The following CTSB variants were observed in gnomAD, a reference collection of about 807,000 sequenced individuals.
CTSB encodes the protein cathepsin B.
A neutral mutation model predicts 44.3 loss-of-function variants in CTSB; 57 were observed. That is an observed-to-expected ratio of 1.29 (90% CI 1.04 to 1.60). The LOEUF (loss-of-function observed/expected upper bound fraction) is 1.60. Among genes scored for constraint, CTSB ranks in the 40% most tolerant of loss-of-function variants. CTSB has a pLI of 0.00. For synonymous variants in CTSB, 320 were observed against 168.0 expected (o/e 1.91, Z -7.00); for missense variants, 768 against 443.0 (o/e 1.73, Z -6.59).
chr8:11,850,595 G>A (rs906884233), intron 4 of CTSB: 5 of 301,266 alleles, frequency 1.7e-5, no homozygotes, highest in South Asian at 1.6e-4. Context: ...TGGTATTTGC[G>A]GACGGGCCAG....
At chr8:11,863,187 G>A (rs1315692880) in intron 1 of CTSB, among the ~76,000 whole-genome samples, 1 of 152,182 alleles carries the variant, frequency 6.6e-6, no homozygotes, top group Non-Finnish European at 1.5e-5. Flanking sequence ...AAATAGGCTA[G>A]CGGTGGCTCA....
At chr8:11,865,406 G>A (rs1165901730) in intron 1 of CTSB, 2 of 151,878 alleles carry the variant, frequency 1.3e-5, no homozygotes, top group African/African-American at 4.8e-5. Context: ...ATTTTTTTAG[G>A]AGAGACAAAA....
Position 11,851,864 on chromosome 8 carries a change from A to C in CTSB, c.212+746T>G, listed in dbSNP as rs565980474. ...TTATTTTTAGTAGAGACGGGGTTTC[A>C]TCATGTTGGTCAGACTGGTCTCGAA... On this transcript the variant is annotated intron_variant, in intron 3 of 9. Coordinates refer to ENST00000353047, the MANE Select transcript of CTSB (RefSeq NM_001908.5). 2.0e-5 allele frequency among the ~76,000 whole-genome samples: 3 copies of C among 152,076 alleles called. No individual in the cohort carries two copies. The South Asian group carries it at 6.2e-4, about 32-fold the overall frequency.
rs765567395 is a variant in CTSB at position 11,845,710 on chromosome 8, T to G, written c.873A>C (p.Thr291=). The G allele has an allele frequency of 3.1e-6, 5 of 1,613,946 alleles. No individual in the cohort carries two copies. The South Asian group carries it at 4.4e-5, about 14-fold the overall frequency. Residue 291 remains threonine, a synonymous_variant, in exon 9 of 10, where the codon ACA becomes ACC. Transcript: ENST00000353047. Reference sequence around the variant, plus strand: ...AGGAGTTGGCAACCAGCCAGTAGGGTGTGCCATTCTCCACTCCCCAGCCCA... The same window carrying G: ...AGGAGTTGGCAACCAGCCAGTAGGGGGTGCCATTCTCCACTCCCCAGCCCA... ...RILGWGVENG[T]PYWLVANSWN...
intron 1 of CTSB, chr8:11,865,731 A>T (rs924818595): frequency 1.3e-5 from 2 of 149,124 alleles, no homozygotes; most frequent in South Asian, 4.3e-4. Flanking sequence ...TTACCCCTCC[A>T]CCGCGCGGTG....
At position 11,849,055 on chromosome 8, in the gene CTSB, C is replaced by T; in HGVS notation, c.437G>A (p.Cys146Tyr). 7 of 1,612,702 alleles carry T rather than the reference C, an allele frequency of 4.3e-6. No homozygotes were observed. Among genetic ancestry groups the T allele is most frequent in the South Asian group, 1.1e-5 (1 of 90,992 alleles). ...GCACAGCCTGACTCACCCGTCCCCA[C>T]ACATGCTGCCACAGCATGTGAGCAG... is the stretch of plus-strand genomic sequence containing the variant. ...EDLLTCCGSM[C>Y]GDGCNGGYPA... The change falls in exon 5 of 10, where the codon TGT becomes TAT. Residue 146 changes from cysteine to tyrosine, a missense_variant. Coordinates refer to ENST00000353047, the MANE Select transcript of CTSB (RefSeq NM_001908.5).
intron 1 of CTSB, among the ~76,000 whole-genome samples, chr8:11,859,655 C>A (rs761809406): frequency 2.1e-4 from 31 of 150,270 alleles, no homozygotes; most frequent in Admixed American, 8.1e-4. Flanking sequence ...GTAATCCCAC[C>A]TACTTGGGAG....
intron 1 of CTSB, among the ~76,000 whole-genome samples, chr8:11,863,118 G>A (rs1000246854): frequency 1.3e-5 from 2 of 152,184 alleles, no homozygotes; most frequent in Non-Finnish European, 2.9e-5. Flanking sequence ...ATTAAGACCA[G>A]CCTGGGCAGG....
chr8:11,862,286 A>C, intron 1 of CTSB: 1 of 152,014 alleles, frequency 6.6e-6, no homozygotes, highest in East Asian at 1.9e-4. Flanking sequence ...CTGGGAACAG[A>C]TACCCATCTC....
chr8:11,848,936 A>C, intron 5 of CTSB, 110 bp downstream of exon 5: 1 of 744,650 alleles, frequency 1.3e-6, no homozygotes, highest in Non-Finnish European at 2.3e-6. Flanking sequence ...TCCCCGAAAC[A>C]CTTCTGACTC....
chr8:11,855,341 T>A (rs1586157644), intron 1 of CTSB, among the ~76,000 whole-genome samples: 1 of 152,206 alleles, frequency 6.6e-6, no homozygotes, highest in East Asian at 1.9e-4. Flanking sequence ...ATTTAAAAAG[T>A]TTTATGAAAA....
At chr8:11,853,635 G>GC (rs1461721503) in intron 1 of CTSB, 156 bp from the exon 2 acceptor site, 2 of 701,578 alleles carry the variant, frequency 2.9e-6, no homozygotes, top group African/African-American at 1.8e-5. Flanking sequence ...TGGGATCCCC[G>GC]CCCCCCTGCC....
intron 1 of CTSB, among the ~76,000 whole-genome samples, chr8:11,855,256 G>C (rs1255268281): frequency 6.6e-6 from 1 of 152,110 alleles, no homozygotes; most frequent in Non-Finnish European, 1.5e-5. Flanking sequence ...GCCTGACCTC[G>C]TGATCCACCT....
chr8:11,847,629 G>A (rs1261473595), intron 7 of CTSB, 50 bp downstream of exon 7: 3 of 1,495,560 alleles, frequency 2.0e-6, no homozygotes. Context: ...GAGGGATGCA[G>A]CAGCTCCCCA....
rs771912695 is a variant in CTSB, at chr8:11,849,118, G to C, written c.374C>G (p.Thr125Ser). 9.3e-6 allele frequency: 15 copies of C among 1,613,462 alleles called. No homozygotes were observed. In the African/African-American group the frequency reaches 1.6e-4, roughly 17 times the overall value. ...EAISDRICIH[T>S]NAHVSVEVSA... ...CACCTCCACGCTGACGTGCGCATTGGTGTGGATGCAGATCCGGTCAGAGAT... is the reference window on the plus strand; with the variant it reads ...CACCTCCACGCTGACGTGCGCATTGCTGTGGATGCAGATCCGGTCAGAGAT... Residue 125 changes from threonine (T) to serine (S), a missense_variant, in exon 5 of 10, where the codon ACC becomes AGC. By Grantham distance (58) the Thr-to-Ser change is moderately conservative. Transcript: ENST00000353047.
At chr8:11,854,030 C>T (rs1310290307) in intron 1 of CTSB, among the ~76,000 whole-genome samples, 1 of 152,146 alleles carries the variant, frequency 6.6e-6, no homozygotes, top group Non-Finnish European at 1.5e-5. Context: ...TTCCAGTCAG[C>T]CAAGGGCTCT....
Position 11,842,569 on chromosome 8 carries a change from T to C in CTSB, c.*2556A>G, listed in dbSNP as rs1335150420. The C allele has an allele frequency of 6.6e-6, 1 of 152,184 alleles. No individual in the cohort carries two copies. Among genetic ancestry groups the C allele is most frequent in the Non-Finnish European group, 1.5e-5 (1 of 68,036 alleles). 9.4% of individuals were successfully genotyped at this position (152,184 alleles called of 1,614,324 possible). ...TATTGAGGTTATGAATATATTCTAC[T>C]TGAAACTGGAAGGATAAGTGGTTAT... On this transcript the variant is annotated 3_prime_UTR_variant, in exon 10 of 10. Coordinates refer to ENST00000353047, the MANE Select transcript of CTSB (RefSeq NM_001908.5).
At chr8:11,865,846 A>C (rs1817045950) in intron 1 of CTSB, among the ~76,000 whole-genome samples, 1 of 146,540 alleles carries the variant, frequency 6.8e-6, no homozygotes, top group Admixed American at 6.7e-5. Context: ...GTCTCTACTA[A>C]AAATACAAAA....
Position 11,844,233 on chromosome 8 carries a change from C to CGT in CTSB, c.*890_*891dup, listed in dbSNP as rs995627095. 1 of 152,160 alleles carries CGT rather than the reference C, an allele frequency of 6.6e-6. No homozygotes were observed. Among genetic ancestry groups the CGT allele is most frequent in the Admixed American group, 6.5e-5 (1 of 15,272 alleles). The allele number at this position is 152,160 out of a possible 1,614,324, so 9.4% of individuals were successfully genotyped here. On this transcript the variant is annotated 3_prime_UTR_variant, in exon 10 of 10. Transcript: ENST00000353047. The stretch of plus-strand genomic sequence containing the variant: ...GTCGCAAGAACATGCAGTTCCAGGA[C>CGT]GTGATTCTCTGCAGGGACAAAGAGA...
Sources: allele counts gnomAD v4.1 joint callset (sites outside exome capture counted in the v4.1 genomes callset), GRCh38; gene constraint gnomAD v4.1.1; transcripts MANE v1.5; gene names NCBI Gene and HGNC (gene_info 2026-07-23, HGNC 2026-07-21).